Variants in RBMS3 observed in about 807,000 individuals in gnomAD.
RBMS3 encodes the protein RNA-binding motif, single-stranded-interacting protein 3.
A neutral mutation model predicts 66.8 loss-of-function variants in RBMS3; 27 were observed. The ratio of observed to expected loss-of-function variants is 0.40; its 90% CI spans 0.30 to 0.56. The LOEUF is 0.56. RBMS3 is among the 20% of genes least tolerant of loss of function. The pLI, the probability that RBMS3 is intolerant of heterozygous loss-of-function variation, is 0.40. For synonymous variants in RBMS3, 188 were observed against 183.0 expected (o/e 1.03, Z -0.22); for missense variants, 513 against 549.5 (o/e 0.93, Z 0.66).
At chr3:29,330,621 G>A (rs1240648410) in intron 1 of RBMS3, among the ~76,000 whole-genome samples, 1 of 152,036 alleles carries the variant, frequency 6.6e-6, no homozygotes, top group Admixed American at 6.6e-5. Context: ...CCTCCCTATT[G>A]CTGAACTAGC....
chr3:29,884,421 G>GTTCTCT (rs1553692442), intron 8 of RBMS3, among the ~76,000 whole-genome samples: 27 of 56,230 alleles, frequency 4.8e-4, no homozygotes, highest in Non-Finnish European at 8.4e-4. Flanking sequence ...ATTAAACCCT[G>GTTCTCT]TTCTCTCTCT....
At chr3:29,390,215 C>G in intron 1 of RBMS3, among the ~76,000 whole-genome samples, 1 of 152,100 alleles carries the variant, frequency 6.6e-6, no homozygotes, top group Admixed American at 6.6e-5. Context: ...TTGTAGGAAT[C>G]CCCCTTTCCC....
intron 12 of RBMS3, among the ~76,000 whole-genome samples, chr3:29,969,027 T>C (rs1461884156): frequency 6.6e-6 from 1 of 152,090 alleles, no homozygotes; most frequent in Non-Finnish European, 1.5e-5. Flanking sequence ...CTCTTAATCA[T>C]GAAAAGTTTT....
In RBMS3 at chr3:29,936,349, A is replaced by G. The variant is rs201464575; in HGVS notation, c.1050+153A>G. ...TCAGTATGAATAAGCTGCATTCTGC[A>G]TGTATGTTCAGTTCCAGGGCACATG... On this transcript the variant is annotated intron_variant, in intron 11 of 14. Coordinates refer to ENST00000383767, the MANE Select transcript of RBMS3 (RefSeq NM_001003793.3). Among the ~76,000 whole-genome samples, 15 of 152,274 alleles carry G rather than the reference A, an allele frequency of 9.9e-5. No homozygotes were observed. The East Asian group carries it at 2.9e-3, about 29-fold the overall frequency.
chr3:29,281,677 G>T lies in RBMS3; in HGVS notation c.-5G>T, dbSNP rs775484980. 1 of 1,613,120 alleles carries T rather than the reference G, an allele frequency of 6.2e-7. No homozygotes were observed. Among genetic ancestry groups the T allele is most frequent in the East Asian group, 2.2e-5 (1 of 44,796 alleles). ...CCCTGCCTCGGAGATAAAGATTCCA[G>T]CTACATGGGCAAACGCCTGGATCAG... On this transcript the variant is annotated 5_prime_UTR_variant, in exon 1 of 15. Coordinates refer to ENST00000383767, the MANE Select transcript of RBMS3 (RefSeq NM_001003793.3).
intron 3 of RBMS3, among the ~76,000 whole-genome samples, chr3:29,513,480 A>T (rs2044497034): frequency 6.6e-6 from 1 of 152,108 alleles, no homozygotes. Flanking sequence ...GAGATTAGGA[A>T]GTTGTATGGT....
intron 2 of RBMS3, among the ~76,000 whole-genome samples, chr3:29,485,713 G>C (rs1021633966): frequency 6.6e-6 from 1 of 152,198 alleles, no homozygotes; most frequent in African/African-American, 2.4e-5. Context: ...AGAAATGAAA[G>C]GATAGATAAG....
chr3:29,623,215 ATTTAAT>A (rs1350467966), intron 4 of RBMS3, among the ~76,000 whole-genome samples: 2 of 150,906 alleles, frequency 1.3e-5, no homozygotes, highest in African/African-American at 4.9e-5. Flanking sequence ...ATTTTAATCT[ATTTAAT>A]TTTAAGATGG....
At chr3:29,881,164 T>C (rs531150243) in intron 7 of RBMS3, among the ~76,000 whole-genome samples, 1 of 152,142 alleles carries the variant, frequency 6.6e-6, no homozygotes, top group Admixed American at 6.5e-5. Flanking sequence ...TAGTACTCCT[T>C]TTTGCCTGAG....
At chr3:29,383,610 G>A (rs1381022330) in intron 1 of RBMS3, among the ~76,000 whole-genome samples, 1 of 152,166 alleles carries the variant, frequency 6.6e-6, no homozygotes, top group South Asian at 2.1e-4. Flanking sequence ...TATATTGTTA[G>A]TGTAAAATAT....
intron 6 of RBMS3, among the ~76,000 whole-genome samples, chr3:29,780,259 G>T (rs2056582870): frequency 6.6e-6 from 1 of 151,360 alleles, no homozygotes. Flanking sequence ...GATGGAGCTG[G>T]TTTGGTCTAG....
At chr3:29,354,284 T>C (rs1484586631) in intron 1 of RBMS3, among the ~76,000 whole-genome samples, 1 of 152,176 alleles carries the variant, frequency 6.6e-6, no homozygotes, top group Non-Finnish European at 1.5e-5. Flanking sequence ...GTTTACATAT[T>C]TGTGTATATT....
intron 3 of RBMS3, among the ~76,000 whole-genome samples, chr3:29,546,011 T>A (rs1367709241): frequency 6.6e-6 from 1 of 152,142 alleles, no homozygotes. Context: ...AGCAGCAAAT[T>A]TTTCCAGAAT....
intron 3 of RBMS3, among the ~76,000 whole-genome samples, chr3:29,532,246 GTATATATATATATATGTATATATATATA>G (rs1161863271): frequency 1.1e-5 from 1 of 88,994 alleles, no homozygotes; most frequent in Non-Finnish European, 2.0e-5. Context: ...GCATATATAT[GTATATATATATATATGTATATATATATA>G]TATATATTTC....
chr3:29,997,253 A>C (rs1321687621), intron 14 of RBMS3, among the ~76,000 whole-genome samples: 11 of 152,164 alleles, frequency 7.2e-5, no homozygotes, highest in South Asian at 4.1e-4. Context: ...CAATAACAGG[A>C]ACTGAAATTG....
At chr3:29,971,453 A>AT (rs1464894748) in intron 12 of RBMS3, among the ~76,000 whole-genome samples, 2 of 151,976 alleles carry the variant, frequency 1.3e-5, no homozygotes, top group South Asian at 2.1e-4. Flanking sequence ...GTATAGGGGA[A>AT]TTTTTTTACT....
intron 12 of RBMS3, among the ~76,000 whole-genome samples, chr3:29,969,334 A>G (rs1396450970): frequency 6.6e-6 from 1 of 152,230 alleles, no homozygotes; most frequent in African/African-American, 2.4e-5. Context: ...CCCCAACCAC[A>G]AAGAACAGTT....
chr3:29,305,103 G>GCAAGAGCT (rs2125453787), intron 1 of RBMS3, among the ~76,000 whole-genome samples: 1 of 151,874 alleles, frequency 6.6e-6, no homozygotes, highest in African/African-American at 2.4e-5. Context: ...CAGGACCTTG[G>GCAAGAGCT]CAAGAGCTCT....
At chr3:29,422,046 A>G (rs1418056413) in intron 1 of RBMS3, among the ~76,000 whole-genome samples, 1 of 152,216 alleles carries the variant, frequency 6.6e-6, no homozygotes, top group Non-Finnish European at 1.5e-5. Context: ...TGCTTTACAC[A>G]CAATCACTCA....
Sources: gnomAD v4.1 joint callset for allele counts (sites outside exome capture counted in the v4.1 genomes callset) on GRCh38, gnomAD v4.1.1 for gene constraint, MANE v1.5 for transcripts, NCBI Gene and HGNC (gene_info 2026-07-23, HGNC 2026-07-21) for gene names.